The following GDA variants were observed in gnomAD, a reference collection of about 807,000 sequenced individuals.
GDA encodes cytoplasmic PSD-95 interactor.
GDA carries 18 observed loss-of-function variants against 59.6 expected under a neutral mutation model. The ratio of observed to expected loss-of-function variants is 0.30; its 90% CI spans 0.21 to 0.45. GDA has a LOEUF of 0.45. Ranked by LOEUF, GDA falls within the 20% of genes least tolerant of loss-of-function variation. The probability of loss-of-function intolerance (pLI) is 1.00; values close to 1 mark genes in which losing one functional copy is unlikely to be tolerated. For synonymous variants in GDA, 201 were observed against 201.1 expected, an observed-to-expected ratio of 1.00 and a Z score of 0.00; for missense variants, 427 against 552.3, an observed-to-expected ratio of 0.77 and a Z score of 2.27.
chr9:72,176,238 T>G (rs143572650), intron 1 of GDA, among the ~76,000 whole-genome samples: 9 of 152,318 alleles, frequency 5.9e-5, no homozygotes, highest in African/African-American at 2.2e-4. Flanking sequence ...AGAGCTTCTC[T>G]CAGAGCTACT....
Position 72,153,130 on chromosome 9 carries a change from G to C in GDA, c.123+3448G>C, listed in dbSNP as rs901007898. Among the ~76,000 whole-genome samples, 678 of 152,184 alleles carry C rather than the reference G, an allele frequency of 4.5e-3. 6 individuals are homozygous for C. Among genetic ancestry groups the C allele is most frequent in the African/African-American group, 0.015 (641 of 41,496 alleles). ...AGGCGGCATTATTTCTGAGGGCTCTGTTCTGTTCCATTGATGTATATCTCT... is the reference window on the plus strand; with the variant it reads ...AGGCGGCATTATTTCTGAGGGCTCTCTTCTGTTCCATTGATGTATATCTCT... On this transcript the variant is annotated intron_variant, in intron 1 of 13. Coordinates refer to ENST00000358399, the MANE Select transcript of GDA (RefSeq NM_004293.5).
At chr9:72,237,107 C>T (rs1396220657) in intron 10 of GDA, among the ~76,000 whole-genome samples, 2 of 152,082 alleles carry the variant, frequency 1.3e-5, no homozygotes, top group African/African-American at 4.8e-5. Context: ...CAGACATCCC[C>T]CTCATGCTCC....
intron 1 of GDA, among the ~76,000 whole-genome samples, chr9:72,180,402 G>A (rs959291362): frequency 2.0e-5 from 3 of 152,064 alleles, no homozygotes; most frequent in African/African-American, 7.2e-5. Context: ...GGCTTGTGTA[G>A]GGAGTACTTT....
chr9:72,141,606 G>A (rs1308964492), intron 1 of GDA, among the ~76,000 whole-genome samples: 1 of 152,112 alleles, frequency 6.6e-6, no homozygotes, highest in Admixed American at 6.5e-5. Context: ...CTAGAGTGGA[G>A]TCCAATCTCA....
At chr9:72,128,436 G>A (rs991969988) in intron 1 of GDA, among the ~76,000 whole-genome samples, 11 of 152,022 alleles carry the variant, frequency 7.2e-5, no homozygotes, top group African/African-American at 2.7e-4. Context: ...TAGTAATAAT[G>A]ATAATGATTT....
At chr9:72,235,036 G>A (rs923998730) in intron 10 of GDA, among the ~76,000 whole-genome samples, 4 of 152,148 alleles carry the variant, frequency 2.6e-5, no homozygotes, top group African/African-American at 9.7e-5. Flanking sequence ...TTCAATGAAA[G>A]ATGAGGCAAA....
At chr9:72,259,576 G>C (rs796919466), downstream of GDA, among the ~76,000 whole-genome samples, 2 of 152,202 alleles carry the variant, frequency 1.3e-5, no homozygotes, top group Non-Finnish European at 2.9e-5. Flanking sequence ...CCAGCCAGTT[G>C]TTCCTGGAGC....
At chr9:72,229,566 G>C (rs1838081808) in intron 9 of GDA, among the ~76,000 whole-genome samples, 1 of 152,160 alleles carries the variant, frequency 6.6e-6, no homozygotes, top group Non-Finnish European at 1.5e-5. Context: ...GGCTGTGACA[G>C]TAATACCCAA....
chr9:72,213,908 T>C lies in GDA; in HGVS notation c.495T>C (p.Phe165=), dbSNP rs142048729. The C allele has an allele frequency of 3.1e-5, 50 of 1,608,190 alleles. No individual in the cohort carries two copies. In the African/African-American group the frequency reaches 6.0e-4, roughly 19 times the overall value. The change falls in exon 5 of 14, where the codon TTT becomes TTC. Residue 165 remains phenylalanine, a synonymous_variant. Coordinates refer to ENST00000358399, the MANE Select transcript of GDA (RefSeq NM_004293.5). ...CAGATAAATTTGGACAGCGGGCATT[T>C]GTGGGCAAAGTTTGCATGGATTTGA... ...DITDKFGQRA[F]VGKVCMDLND...
rs1491280764 is a variant in GDA, at chr9:72,178,411, A to AT, written c.124-17088dup. Among the ~76,000 whole-genome samples the AT allele has an allele frequency of 6.0e-5, 8 of 134,030 alleles. No homozygotes were observed. The South Asian group carries it at 1.1e-3, about 19-fold the overall frequency. 87.9% of individuals were successfully genotyped at this position (134,030 alleles called of 152,430 possible). On this transcript the variant is annotated intron_variant, in intron 1 of 13. Coordinates refer to ENST00000358399, the MANE Select transcript of GDA (RefSeq NM_004293.5). ...ACGAATTGGTCTGGAGTTGGAATCG[A>AT]TATTTTTTTTTTTTTTTTTTTTTGA...
At chr9:72,124,212 C>T (rs2130587394) in intron 1 of GDA, among the ~76,000 whole-genome samples, 1 of 152,286 alleles carries the variant, frequency 6.6e-6, no homozygotes, top group African/African-American at 2.4e-5. Flanking sequence ...TCAGCCATGG[C>T]ACCTTCCTTG....
rs183520994 is a variant in GDA, at chr9:72,208,479, T to C, written c.385-2208T>C. On this transcript the variant is annotated intron_variant, in intron 3 of 13. Transcript: ENST00000358399. ...GCAATATCCGTTCCATTTTCTTTCT[T>C]GAAGATCTTCTCACCTCCTCCCATT... Among the ~76,000 whole-genome samples, 7 of 152,114 alleles carry C rather than the reference T, an allele frequency of 4.6e-5. No homozygotes were observed. In the East Asian group the frequency reaches 1.3e-3, roughly 29 times the overall value.
chr9:72,253,876 G>C (rs1840826958), downstream of GDA, among the ~76,000 whole-genome samples: 1 of 152,070 alleles, frequency 6.6e-6, no homozygotes, highest in South Asian at 2.1e-4. Flanking sequence ...AGTGGGTGCA[G>C]CACACCAGCA....
At chr9:72,138,312 T>C (rs569147409) in intron 1 of GDA, among the ~76,000 whole-genome samples, 1 of 152,276 alleles carries the variant, frequency 6.6e-6, no homozygotes, top group South Asian at 2.1e-4. Flanking sequence ...GAGAAGTGAT[T>C]GCCTTGAAAC....
chr9:72,222,707 G>T (rs1250912471), intron 6 of GDA, among the ~76,000 whole-genome samples: 3 of 151,514 alleles, frequency 2.0e-5, no homozygotes, highest in South Asian at 2.1e-4. Context: ...TGTTTGGTTG[G>T]TTTTTTGTTT....
Position 72,250,824 on chromosome 9 carries a change from C to A in GDA, c.*2482C>A, listed in dbSNP as rs758142317. On this transcript the variant is annotated 3_prime_UTR_variant, in exon 14 of 14. Transcript: ENST00000358399. Reference sequence around the variant, plus strand: ...CCTTAATGTTCCATGGTATTTTCAACGGAATACACTTTGAAAGGTAAAAAC... The same window carrying A: ...CCTTAATGTTCCATGGTATTTTCAAAGGAATACACTTTGAAAGGTAAAAAC... 1.2e-6 allele frequency: 2 copies of A among 1,608,788 alleles called. No individual in the cohort carries two copies. The highest frequency in any genetic ancestry group is 2.2e-5 in the East Asian group (1 of 44,844).
rs1840531215 is a variant in GDA at position 72,250,007 on chromosome 9, CAG to C, written c.*1668_*1669del. 2.1e-6 allele frequency: 2 copies of C among 953,330 alleles called. No homozygotes were observed. The highest frequency in any genetic ancestry group is 6.2e-5 in the Admixed American group (1 of 16,194). The allele number at this position is 953,330 out of a possible 1,614,324, so 59.1% of individuals were successfully genotyped here. ...TTAGTTTTATTTTTTTAATAAACAA[CAG>C]AGTTTGTTTTGTGAGATAAGTATCT... is the stretch of plus-strand genomic sequence containing the variant. On this transcript the variant is annotated 3_prime_UTR_variant, in exon 14 of 14. Transcript: ENST00000358399.
chr9:72,120,180 G>A (rs1314733908), intron 1 of GDA, among the ~76,000 whole-genome samples: 1 of 140,944 alleles, frequency 7.1e-6, no homozygotes, highest in Non-Finnish European at 1.5e-5. Context: ...TTCCCAAAGA[G>A]ATGCAGCATT....
chr9:72,223,078 T>C, intron 6 of GDA, 42 bp from the exon 7 acceptor site: 1 of 962,504 alleles, frequency 1.0e-6, no homozygotes, highest in South Asian at 1.4e-5. Context: ...TTTTTGTATA[T>C]GATGTAAGGA....
Sources: allele counts gnomAD v4.1 joint callset (sites outside exome capture counted in the v4.1 genomes callset), GRCh38; gene constraint gnomAD v4.1.1; transcripts MANE v1.5; gene names NCBI Gene and HGNC (gene_info 2026-07-23, HGNC 2026-07-21).